The following HNF1B variants were observed in gnomAD, a reference collection of about 807,000 sequenced individuals.
HNF1B encodes the protein HNF1 homeobox B, also known as hepatocyte nuclear factor 1-beta.
Under a neutral mutation model 61.7 loss-of-function variants are expected in HNF1B, and 8 were observed. The ratio of observed to expected loss-of-function variants is 0.13; its 90% CI spans 0.08 to 0.23. The LOEUF (loss-of-function observed/expected upper bound fraction) is 0.23. HNF1B is among the 10% of genes least tolerant of loss of function. HNF1B has a pLI of 1.00. For synonymous variants in HNF1B, 314 were observed against 287.7 expected (o/e 1.09, Z -0.93); for missense variants, 562 against 714.5 (o/e 0.79, Z 2.43).
chr17:37,688,910 G>A (rs1167282271), intron 8 of HNF1B, among the ~76,000 whole-genome samples: 1 of 152,128 alleles, frequency 6.6e-6, no homozygotes. Flanking sequence ...ACTTTGAGAG[G>A]CCAAGGCAGG....
At chr17:37,725,808 C>T (rs2033476380) in intron 4 of HNF1B, among the ~76,000 whole-genome samples, 1 of 152,248 alleles carries the variant, frequency 6.6e-6, no homozygotes. Flanking sequence ...GGGGGCGGAG[C>T]TCCCAGAGGT....
intron 8 of HNF1B, among the ~76,000 whole-genome samples, chr17:37,689,655 ACCGCGGGGC>A (rs2032123262): frequency 1.3e-5 from 2 of 152,200 alleles, no homozygotes; most frequent in Admixed American, 1.3e-4. Context: ...TCTCTGAGAG[ACCGCGGGGC>A]CCTCCGTCTG....
chr17:37,720,779 A>C (rs1461763033), intron 4 of HNF1B: 1 of 984,834 alleles, frequency 1.0e-6, no homozygotes, highest in Non-Finnish European at 1.2e-6. Context: ...TGCCACTCAG[A>C]ATACATACAT....
At chr17:37,734,223 C>G (rs571525461) in intron 2 of HNF1B, among the ~76,000 whole-genome samples, 1 of 152,190 alleles carries the variant, frequency 6.6e-6, no homozygotes. Context: ...GTACAATTTA[C>G]ACTTGCACAA....
chr17:37,708,036 C>A (rs1390896522), intron 5 of HNF1B, among the ~76,000 whole-genome samples: 1 of 152,168 alleles, frequency 6.6e-6, no homozygotes, highest in Non-Finnish European at 1.5e-5. Context: ...TTCACACCAA[C>A]CCTATGACGT....
chr17:37,739,710 G>A, intron 1 of HNF1B, 71 bp from the exon 2 acceptor site: 3 of 1,350,842 alleles, frequency 2.2e-6, no homozygotes, highest in African/African-American at 2.9e-5. Context: ...TTTCTAGGGG[G>A]TGCTACCTAT....
chr17:37,700,940 AG>A (rs2032545412), intron 7 of HNF1B, 42 bp downstream of exon 7: 1 of 1,532,130 alleles, frequency 6.5e-7, no homozygotes, highest in African/African-American at 1.4e-5. Context: ...TTGGCCACTG[AG>A]GGTCCTGAGT....
chr17:37,738,362 G>A (rs1598847609), intron 2 of HNF1B, among the ~76,000 whole-genome samples: 1 of 152,152 alleles, frequency 6.6e-6, no homozygotes, highest in East Asian at 1.9e-4. Flanking sequence ...CAGGGACATT[G>A]AGACAATAAA....
At chr17:37,706,657 T>G (rs995309013) in intron 5 of HNF1B, among the ~76,000 whole-genome samples, 1 of 149,488 alleles carries the variant, frequency 6.7e-6, no homozygotes, top group African/African-American at 2.5e-5. Flanking sequence ...CTGGACTTGT[T>G]TTTCAAAATA....
chr17:37,726,585 T>A (rs2033505792), intron 4 of HNF1B, among the ~76,000 whole-genome samples: 1 of 152,172 alleles, frequency 6.6e-6, no homozygotes, highest in South Asian at 2.1e-4. Flanking sequence ...AGAGTTTGGC[T>A]GGTCTGAGAC....
At chr17:37,723,356 T>C (rs1336445451) in intron 4 of HNF1B, among the ~76,000 whole-genome samples, 1 of 150,844 alleles carries the variant, frequency 6.6e-6, no homozygotes, top group African/African-American at 2.4e-5. Context: ...AAAAAAAAAA[T>C]TAAAAGAAAA....
intron 2 of HNF1B, among the ~76,000 whole-genome samples, chr17:37,735,890 C>G (rs893348896): frequency 1.3e-5 from 2 of 152,140 alleles, no homozygotes; most frequent in East Asian, 1.9e-4. Flanking sequence ...TCCCAAGTAG[C>G]TGGGACTACG....
At chr17:37,709,279 G>A (rs997314529) in intron 5 of HNF1B, among the ~76,000 whole-genome samples, 10 of 151,922 alleles carry the variant, frequency 6.6e-5, no homozygotes, top group African/African-American at 2.4e-4. Flanking sequence ...TGAGACACCC[G>A]AGTCTCACTC....
chr17:37,704,412 T>A (rs1053418137), intron 6 of HNF1B, among the ~76,000 whole-genome samples: 5 of 152,212 alleles, frequency 3.3e-5, no homozygotes, highest in African/African-American at 9.7e-5. Flanking sequence ...CAAGGAGATT[T>A]CATATACCAC....
intron 4 of HNF1B, among the ~76,000 whole-genome samples, chr17:37,723,612 T>C (rs2033396269): frequency 6.6e-6 from 1 of 152,194 alleles, no homozygotes. Context: ...ATACCCAATG[T>C]GCTGCAACAA....
intron 4 of HNF1B, chr17:37,730,133 T>C (rs2033639612): frequency 6.6e-6 from 1 of 151,674 alleles, no homozygotes; most frequent in Non-Finnish European, 1.5e-5. Flanking sequence ...AGATCACAGG[T>C]CCCAACACAA....
chr17:37,689,658 G>T (rs963738798), intron 8 of HNF1B, among the ~76,000 whole-genome samples: 1 of 152,336 alleles, frequency 6.6e-6, no homozygotes, highest in South Asian at 2.1e-4. Flanking sequence ...CTGAGAGACC[G>T]CGGGGCCCTC....
chr17:37,735,813 C>A (rs897458745), intron 2 of HNF1B, among the ~76,000 whole-genome samples: 1 of 152,198 alleles, frequency 6.6e-6, no homozygotes, highest in Non-Finnish European at 1.5e-5. Context: ...GGCTGGAATG[C>A]AGTAGTACGA....
At chr17:37,743,669 G>C (rs752462681) in intron 1 of HNF1B, among the ~76,000 whole-genome samples, 1 of 152,226 alleles carries the variant, frequency 6.6e-6, no homozygotes, top group African/African-American at 2.4e-5. Flanking sequence ...CGGCTCCTTA[G>C]ATAATTAGTA....
Sources: gnomAD v4.1 joint callset for allele counts (sites outside exome capture counted in the v4.1 genomes callset) on GRCh38, gnomAD v4.1.1 for gene constraint, MANE v1.5 for transcripts, NCBI Gene and HGNC (gene_info 2026-07-23, HGNC 2026-07-21) for gene names.